Variants in COL21A1 observed in about 807,000 individuals in gnomAD.
The protein encoded by COL21A1 is collagen alpha-1(XXI) chain.
In COL21A1, 149 loss-of-function variants were observed where a neutral mutation model predicts 137.9. That is an observed-to-expected ratio of 1.08 (90% CI 0.95 to 1.24). The LOEUF (loss-of-function observed/expected upper bound fraction) is 1.24. Among genes scored for constraint, COL21A1 ranks in the 50% most tolerant of loss-of-function variants. The pLI is 0.00. For missense variants in COL21A1, 1,167 were observed against 1,158.4 expected, an observed-to-expected ratio of 1.01 and a Z score of -0.11; for synonymous variants, 456 against 391.5, an observed-to-expected ratio of 1.16 and a Z score of -1.95.
rs79353802 is a variant in COL21A1 at position 56,180,947 on chromosome 6, T to C, written c.89-818A>G. Among the ~76,000 whole-genome samples, 1,032 of 152,306 alleles carry C rather than the reference T, an allele frequency of 6.8e-3. 16 individuals are homozygous for C. Among genetic ancestry groups the C allele is most frequent in the African/African-American group, 0.024 (996 of 41,560 alleles). ...CAACTCTGGGCCTTTGCAGTTGCTC[T>C]TCCCTTTTATTAGAATGTCTTCCTC... On this transcript the variant is annotated intron_variant, in intron 2 of 29. Coordinates refer to ENST00000244728, the MANE Select transcript of COL21A1 (RefSeq NM_030820.4).
chr6:56,168,142 T>C lies in COL21A1; in HGVS notation c.1182A>G (p.Gly394=). 1 of 1,525,176 alleles carries C rather than the reference T, an allele frequency of 6.6e-7. No homozygotes were observed. The highest frequency in any genetic ancestry group is 8.8e-7 in the Non-Finnish European group (1 of 1,131,550). The allele number at this position is 1,525,176 out of a possible 1,614,324, so 94.5% of individuals were successfully genotyped here. The change falls in exon 6 of 30, where the codon GGA becomes GGG. Residue 394 remains glycine (G), a synonymous_variant. Coordinates refer to ENST00000244728, the MANE Select transcript of COL21A1 (RefSeq NM_030820.4). ...NGQTQIGKYS[G]KEETVQFDVQ... is the part of the protein sequence containing the mutation. ...TATCTACCTGAACAGTTTCTTCTTT[T>C]CCAGAATATTTTCCAATTTGGGTTT...
intron 9 of COL21A1, among the ~76,000 whole-genome samples, chr6:56,160,492 G>C (rs1193255822): frequency 1.3e-5 from 2 of 151,888 alleles, no homozygotes; most frequent in African/African-American, 4.8e-5. Context: ...CCAGACTGAA[G>C]AATGCTAGAA....
Position 56,098,614 on chromosome 6 carries a change from TAAATATATATAA to T in COL21A1, c.1812+2846_1812+2857del, listed in dbSNP as rs1163891227. Among the ~76,000 whole-genome samples, 11 of 27,994 alleles carry T rather than the reference TAAATATATATAA, an allele frequency of 3.9e-4. 1 individual carries two copies. The highest frequency in any genetic ancestry group is 5.1e-4 in the Admixed American group (1 of 1,972). The allele number at this position is 27,994 out of a possible 152,430, so 18.4% of individuals were successfully genotyped here. On this transcript the variant is annotated intron_variant, in intron 17 of 29. Coordinates refer to ENST00000244728, the MANE Select transcript of COL21A1 (RefSeq NM_030820.4). Reference sequence around the variant, plus strand: ...ATATAAATATATATATAAATATATATAAATATATATAAATATATATATAAATATATATAAATA... The same window carrying T: ...ATATAAATATATATATAAATATATATATATATATATAAATATATATAAATA...
intron 1 of COL21A1, chr6:56,332,230 G>A (rs981632459): frequency 6.6e-6 from 1 of 151,994 alleles, no homozygotes; most frequent in Admixed American, 6.6e-5. Flanking sequence ...ATTGCCTTGT[G>A]CAGTATAGTT....
intron 1 of COL21A1, among the ~76,000 whole-genome samples, chr6:56,324,599 C>G (rs1202776538): frequency 5.3e-5 from 8 of 152,026 alleles, no homozygotes; most frequent in African/African-American, 1.9e-4. Context: ...GAGTAGTACC[C>G]ACCCTGCACA....
intron 1 of COL21A1, among the ~76,000 whole-genome samples, chr6:56,372,036 G>T (rs993832377): frequency 6.6e-6 from 1 of 152,048 alleles, no homozygotes; most frequent in Non-Finnish European, 1.5e-5. Flanking sequence ...GAAAATGAGG[G>T]GACAGCTCCA....
At chr6:56,378,854 C>T (rs2094004227) in intron 1 of COL21A1, among the ~76,000 whole-genome samples, 1 of 152,136 alleles carries the variant, frequency 6.6e-6, no homozygotes, top group Admixed American at 6.5e-5. Flanking sequence ...GTCACTCCAC[C>T]CCCAGCTTCA....
At chr6:56,231,372 T>G (rs1407376409) in intron 1 of COL21A1, among the ~76,000 whole-genome samples, 2 of 151,988 alleles carry the variant, frequency 1.3e-5, no homozygotes, top group East Asian at 3.9e-4. Flanking sequence ...TTAAAAGTGA[T>G]GAGTCACAAT....
chr6:56,171,680 C>T (rs763634901), intron 3 of COL21A1, among the ~76,000 whole-genome samples: 64 of 152,062 alleles, frequency 4.2e-4, no homozygotes, highest in Admixed American at 5.9e-4. Context: ...TATCATTAGT[C>T]TGTCTCTCTG....
chr6:56,163,706 CA>C (rs11317686), intron 9 of COL21A1, among the ~76,000 whole-genome samples: 102,966 of 136,440 alleles, frequency 0.75, 37,686 homozygotes, highest in East Asian at 0.85. Context: ...GGCTCCGTCT[CA>C]AAAAAAAAAA....
Position 56,290,499 on chromosome 6 carries a change from A to AT in COL21A1, c.-39+103471dup, listed in dbSNP as rs1268560590. ...GATGCATATTAGAATCACTTAGGAG[A>AT]TTTTTTTTTTTTTTTTTTGAGACGA... On this transcript the variant is annotated intron_variant, in intron 1 of 28. Transcript: ENST00000370819. Among the ~76,000 whole-genome samples the AT allele has an allele frequency of 7.3e-3, 1,024 of 139,954 alleles. 12 individuals are homozygous for AT. Among genetic ancestry groups the AT allele is most frequent in the African/African-American group, 0.02 (751 of 37,004 alleles). 91.8% of individuals were successfully genotyped at this position (139,954 alleles called of 152,430 possible).
chr6:56,349,511 A>G (rs577863805), intron 1 of COL21A1, among the ~76,000 whole-genome samples: 3 of 152,358 alleles, frequency 2.0e-5, no homozygotes, highest in African/African-American at 7.2e-5. Context: ...AAGAGCTATC[A>G]CCAAAGTGGC....
chr6:56,271,139 G>T (rs1475874637), intron 1 of COL21A1, among the ~76,000 whole-genome samples: 2 of 152,182 alleles, frequency 1.3e-5, no homozygotes, highest in Admixed American at 1.3e-4. Flanking sequence ...AGAGACTGTT[G>T]AATGGTTTTG....
intron 1 of COL21A1, among the ~76,000 whole-genome samples, chr6:56,206,697 AATATATATATATATAT>A (rs1204449084): frequency 6.2e-5 from 2 of 32,328 alleles, no homozygotes; most frequent in Non-Finnish European, 1.1e-4. Context: ...TAAATAAATA[AATATATATATATATAT>A]ATATATATAT....
intron 1 of COL21A1, among the ~76,000 whole-genome samples, chr6:56,383,467 A>G (rs2094012188): frequency 6.6e-6 from 1 of 152,176 alleles, no homozygotes; most frequent in Non-Finnish European, 1.5e-5. Flanking sequence ...TCCACACTAC[A>G]GTGTTGATGT....
chr6:56,386,788 G>GT (rs2094019149), intron 1 of COL21A1, among the ~76,000 whole-genome samples: 1 of 152,140 alleles, frequency 6.6e-6, no homozygotes, highest in Admixed American at 6.5e-5. Context: ...AGAAAAGCCA[G>GT]TTTTCCAGAT....
chr6:56,253,443 C>T (rs1055195347), intron 1 of COL21A1, among the ~76,000 whole-genome samples: 4 of 152,190 alleles, frequency 2.6e-5, no homozygotes, highest in African/African-American at 4.8e-5. Context: ...AGATTGTGAA[C>T]TCCAAGTACC....
At chr6:56,190,413 G>A (rs1236866123) in intron 1 of COL21A1, among the ~76,000 whole-genome samples, 1 of 152,124 alleles carries the variant, frequency 6.6e-6, no homozygotes, top group Admixed American at 6.5e-5. Context: ...TCCCCGAATA[G>A]AGCAATAACA....
intron 1 of COL21A1, among the ~76,000 whole-genome samples, chr6:56,374,749 A>G (rs890044363): frequency 1.3e-5 from 2 of 151,084 alleles, no homozygotes; most frequent in Admixed American, 6.6e-5. Flanking sequence ...AAAAGATATT[A>G]TATTTTCATG....
Sources: allele counts gnomAD v4.1 joint callset (sites outside exome capture counted in the v4.1 genomes callset), GRCh38; gene constraint gnomAD v4.1.1; transcripts MANE v1.5; gene names NCBI Gene and HGNC (gene_info 2026-07-23, HGNC 2026-07-21).